Variants in ST6GALNAC5 observed in about 807,000 individuals in gnomAD.
ST6GALNAC5 encodes the protein ST6 N-acetylgalactosaminide alpha-2,6-sialyltransferase 5.
In ST6GALNAC5, 27 loss-of-function variants were observed where a neutral mutation model predicts 33.6. That is an observed-to-expected ratio of 0.80 (90% CI 0.59 to 1.11). The LOEUF (loss-of-function observed/expected upper bound fraction) is 1.11. Ranked by LOEUF, ST6GALNAC5 falls within the 50% of genes least tolerant of loss-of-function variation. ST6GALNAC5 has a pLI of 0.00. For missense variants in ST6GALNAC5, 428 were observed against 454.0 expected, an observed-to-expected ratio of 0.94 and a Z score of 0.52; for synonymous variants, 194 against 171.2, an observed-to-expected ratio of 1.13 and a Z score of -1.04.
At chr1:77,012,592 T>G (rs1650674270) in intron 2 of ST6GALNAC5, among the ~76,000 whole-genome samples, 1 of 152,140 alleles carries the variant, frequency 6.6e-6, no homozygotes. Context: ...CCTAATTGGA[T>G]CGACTGATCC....
At chr1:77,062,114 T>C (rs1365435473) in intron 4 of ST6GALNAC5, among the ~76,000 whole-genome samples, 3 of 152,216 alleles carry the variant, frequency 2.0e-5, no homozygotes, top group African/African-American at 7.2e-5. Context: ...GTTTGCTATT[T>C]AGCTGCTAAT....
intron 2 of ST6GALNAC5, among the ~76,000 whole-genome samples, chr1:76,918,938 A>G (rs1356867079): frequency 2.0e-5 from 3 of 152,152 alleles, no homozygotes; most frequent in Non-Finnish European, 4.4e-5. Flanking sequence ...TTACTAGCAC[A>G]TCATTAAGAT....
In ST6GALNAC5 at chr1:77,006,142, T is replaced by G. The variant is rs539833105; in HGVS notation, c.262-38062T>G. 1.3e-3 allele frequency among the ~76,000 whole-genome samples: 193 copies of G among 151,834 alleles called. 2 individuals are homozygous for G. Among genetic ancestry groups the G allele is most frequent in the African/African-American group, 4.4e-3 (184 of 41,476 alleles). The stretch of plus-strand genomic sequence containing the variant: ...CATTCTATAGAAATGTGTAGTTTTT[T>G]TTGTTGTTGTTGTTGTTTTATTTGT... On this transcript the variant is annotated intron_variant, in intron 2 of 4. Coordinates refer to ENST00000477717, the MANE Select transcript of ST6GALNAC5 (RefSeq NM_030965.3).
intron 2 of ST6GALNAC5, among the ~76,000 whole-genome samples, chr1:76,948,506 A>G (rs1456490484): frequency 2.6e-5 from 4 of 151,736 alleles, no homozygotes; most frequent in Non-Finnish European, 5.9e-5. Flanking sequence ...AAGTCCCAAA[A>G]GCATGGAATT....
At chr1:76,930,481 T>C (rs17368584) in intron 2 of ST6GALNAC5, among the ~76,000 whole-genome samples, 49,040 of 151,990 alleles carry the variant, frequency 0.32, 9,701 homozygotes, top group Non-Finnish European at 0.44. Flanking sequence ...ACATTTTTGA[T>C]GGTTTATTAG....
intron 2 of ST6GALNAC5, among the ~76,000 whole-genome samples, chr1:77,028,214 A>G (rs1412610782): frequency 1.3e-5 from 2 of 152,236 alleles, no homozygotes; most frequent in Non-Finnish European, 2.9e-5. Flanking sequence ...AGAAACAAGC[A>G]CAAAAGAAGA....
At position 76,885,537 on chromosome 1, in the gene ST6GALNAC5, C is replaced by T. The variant is rs187860791; in HGVS notation, c.261+16795C>T. On this transcript the variant is annotated intron_variant, in intron 2 of 4. Transcript: ENST00000477717. ...ATGTGTACATTGATTTAGCAGTGCA[C>T]GTGATCAGTGGTTTAAAGGAGGGGA... Among the ~76,000 whole-genome samples the T allele has an allele frequency of 2.2e-3, 336 of 152,210 alleles. 2 individuals carry two copies. Among genetic ancestry groups the T allele is most frequent in the African/African-American group, 7.2e-3 (300 of 41,544 alleles).
intron 2 of ST6GALNAC5, among the ~76,000 whole-genome samples, chr1:76,885,673 G>C (rs149442688): frequency 1.6e-4 from 25 of 152,094 alleles, no homozygotes; most frequent in Admixed American, 3.9e-4. Context: ...TGATACTTAC[G>C]CTAAATTATC....
intron 2 of ST6GALNAC5, among the ~76,000 whole-genome samples, chr1:76,913,323 C>T (rs1380236602): frequency 6.6e-6 from 1 of 151,130 alleles, no homozygotes; most frequent in East Asian, 1.9e-4. Context: ...TGTGGGTAAC[C>T]CGACCTTTCT....
chr1:77,036,411 G>A (rs962034584), intron 2 of ST6GALNAC5, among the ~76,000 whole-genome samples: 2 of 151,974 alleles, frequency 1.3e-5, no homozygotes, highest in African/African-American at 4.8e-5. Context: ...GGGATTTTAT[G>A]GTTTGCAAAT....
chr1:77,044,761 C>T (rs956048588), intron 3 of ST6GALNAC5, 148 bp downstream of exon 3: 38 of 888,446 alleles, frequency 4.3e-5, no homozygotes, highest in Non-Finnish European at 5.8e-5. Flanking sequence ...GGGTCCTCTG[C>T]GTGACTGGGC....
intron 2 of ST6GALNAC5, among the ~76,000 whole-genome samples, chr1:76,929,780 G>T (rs535347330): frequency 1.3e-5 from 2 of 152,084 alleles, no homozygotes; most frequent in Admixed American, 1.3e-4. Context: ...ATTATATGTA[G>T]AAATAATATT....
intron 2 of ST6GALNAC5, among the ~76,000 whole-genome samples, chr1:77,011,196 A>G (rs1650622700): frequency 6.6e-6 from 1 of 152,210 alleles, no homozygotes; most frequent in Non-Finnish European, 1.5e-5. Context: ...CGATGAGGCT[A>G]ATGAGAGCTT....
Position 77,065,478 on chromosome 1 carries a change from C to A in ST6GALNAC5, c.*2272C>A, listed in dbSNP as rs2100488608. ...TTCACTGGGAAATGTTTTAAATCTACATGTAGCTAGGATATGTGATTTCAT... is the reference window on the plus strand; with the variant it reads ...TTCACTGGGAAATGTTTTAAATCTAAATGTAGCTAGGATATGTGATTTCAT... On this transcript the variant is annotated 3_prime_UTR_variant, in exon 5 of 5. Transcript: ENST00000477717. 6.6e-6 allele frequency: 1 copy of A among 152,272 alleles called. No individual in the cohort carries two copies. The allele number at this position is 152,272 out of a possible 1,614,324, so 9.4% of individuals were successfully genotyped here. A position where few individuals can be genotyped will look rare whatever the true frequency, so the allele number is the denominator to read the frequency against.
At chr1:76,933,444 TA>T (rs1037478638) in intron 2 of ST6GALNAC5, among the ~76,000 whole-genome samples, 4 of 151,890 alleles carry the variant, frequency 2.6e-5, no homozygotes, top group South Asian at 2.1e-4. Flanking sequence ...TAATATGTTT[TA>T]AAAAAAGATA....
intron 2 of ST6GALNAC5, among the ~76,000 whole-genome samples, chr1:76,946,980 T>C (rs1647540224): frequency 1.0e-5 from 1 of 96,148 alleles, no homozygotes; most frequent in Non-Finnish European, 2.2e-5. Context: ...AACATACTTA[T>C]TAAAACTCAA....
At chr1:76,883,114 G>A (rs748586814) in intron 2 of ST6GALNAC5, among the ~76,000 whole-genome samples, 3 of 152,174 alleles carry the variant, frequency 2.0e-5, no homozygotes, top group Admixed American at 1.3e-4. Context: ...AGTAGCTACC[G>A]TGTGGTAGGC....
intron 2 of ST6GALNAC5, among the ~76,000 whole-genome samples, chr1:76,955,649 T>C (rs938648767): frequency 2.0e-5 from 3 of 152,190 alleles, no homozygotes; most frequent in Non-Finnish European, 2.9e-5. Context: ...AGGTTATTAT[T>C]AATCAATGTT....
rs78868316 is a variant in ST6GALNAC5 at position 77,043,865 on chromosome 1, C to T, written c.262-339C>T. Among the ~76,000 whole-genome samples the T allele has an allele frequency of 2.6e-5, 4 of 152,162 alleles. No homozygotes were observed. In the East Asian group the frequency reaches 7.7e-4, roughly 29 times the overall value. ...GGGCAACTTTGGACAAATTTGTTAA[C>T]ATCTCTATGCTTAAGTATCTTCATC... On this transcript the variant is annotated intron_variant, in intron 2 of 4. Coordinates refer to ENST00000477717, the MANE Select transcript of ST6GALNAC5 (RefSeq NM_030965.3).
Sources: gnomAD v4.1 joint callset for allele counts (sites outside exome capture counted in the v4.1 genomes callset) on GRCh38, gnomAD v4.1.1 for gene constraint, MANE v1.5 for transcripts, NCBI Gene and HGNC (gene_info 2026-07-23, HGNC 2026-07-21) for gene names.